Variants in ZNF787 observed in about 807,000 individuals in gnomAD.
ZNF787 encodes TTF-I-interacting peptide 20.
A neutral mutation model predicts 16.9 loss-of-function variants in ZNF787; 7 were observed. That is an observed-to-expected ratio of 0.42 (90% CI 0.24 to 0.78). ZNF787 has a LOEUF of 0.78. ZNF787 is among the 30% of genes least tolerant of loss of function. The pLI, the probability that ZNF787 is intolerant of heterozygous loss-of-function variation, is 0.30. For missense variants in ZNF787, 551 were observed against 589.3 expected (o/e 0.94, Z 0.67); for synonymous variants, 345 against 270.9 (o/e 1.27, Z -2.69).
Position 56,088,108 on chromosome 19 carries a change from T to C in ZNF787, c.1064A>G (p.Tyr355Cys). The change falls in exon 3 of 3, where the codon TAC (tyrosine) becomes TGC (cysteine). Residue 355 changes from tyrosine (Y) to cysteine (C), a missense_variant. This residue lies in a region of ZNF787 where 392 missense variants were observed against 312.7 expected (regional missense o/e 1.25). Coordinates refer to ENST00000610935, the MANE Select transcript of ZNF787 (RefSeq NM_001002836.4). This position sits in a 1 kb window ranked among gnomAD's most constrained non-coding sequence, Gnocchi z 8.6. ...SVCSSCGQSY[Y>C]RAGGEEEDDD... ...GTCCTCCTCCTCCCCGCCCGCGCGG[T>C]AGTAGCTCTGTCCGCAGCTGCTGCA... 1.4e-6 allele frequency: 2 copies of C among 1,456,858 alleles called. No homozygotes were observed. The highest frequency in any genetic ancestry group is 1.8e-6 in the Non-Finnish European group (2 of 1,096,764). The allele number at this position is 1,456,858 out of a possible 1,614,324, so 90.2% of individuals were successfully genotyped here.
intron 1 of ZNF787, among the ~76,000 whole-genome samples, chr19:56,110,543 A>G (rs947312861): frequency 6.6e-6 from 1 of 152,030 alleles, no homozygotes; most frequent in East Asian, 1.9e-4. Context: ...GCACAGGAAA[A>G]AAAGGGAAGA....
chr19:56,103,914 C>T (rs1394968815), intron 1 of ZNF787, among the ~76,000 whole-genome samples: 1 of 20,840 alleles, frequency 4.8e-5, no homozygotes, highest in African/African-American at 2.1e-4. Context: ...ACCCGTGCCA[C>T]GCACCGGGAG....
chr19:56,112,164 T>A (rs995791565), intron 1 of ZNF787, among the ~76,000 whole-genome samples: 9 of 152,176 alleles, frequency 5.9e-5, no homozygotes, highest in African/African-American at 2.2e-4. Context: ...AGGCAGCTCC[T>A]GACCCAGCTC....
At chr19:56,103,316 G>A (rs1047627620) in intron 1 of ZNF787, 89 bp from the exon 2 acceptor site, 16 of 1,156,508 alleles carry the variant, frequency 1.4e-5, no homozygotes, top group Admixed American at 1.1e-4. Context: ...TGCAGACCCC[G>A]GCGTGACAGG....
chr19:56,089,794 C>T (rs570344415), intron 2 of ZNF787, among the ~76,000 whole-genome samples: 1 of 152,216 alleles, frequency 6.6e-6, no homozygotes, highest in African/African-American at 2.4e-5. Context: ...AGGGCTTTGC[C>T]TGCACATCTT....
intron 1 of ZNF787, among the ~76,000 whole-genome samples, chr19:56,120,824 C>G (rs2030271715): frequency 6.7e-6 from 1 of 148,832 alleles, no homozygotes; most frequent in African/African-American, 2.5e-5. Flanking sequence ...CGACGGCCCG[C>G]AGCAGAGGGA....
intron 2 of ZNF787, 83 bp from the exon 3 acceptor site, chr19:56,089,175 T>TGCCTCGCTCCCCCTGGC: frequency 9.3e-7 from 1 of 1,074,378 alleles, no homozygotes; most frequent in Admixed American, 3.5e-5. Flanking sequence ...TGGCCTCGGG[T>TGCCTCGCTCCCCCTGGC]GCCTCGCTCC....
intron 1 of ZNF787, among the ~76,000 whole-genome samples, chr19:56,108,557 C>G (rs1318704816): frequency 6.6e-6 from 1 of 152,006 alleles, no homozygotes; most frequent in East Asian, 1.9e-4. Context: ...TGCCACTCTC[C>G]GTGTCTCTGC....
At chr19:56,108,776 G>A (rs1381581130) in intron 1 of ZNF787, among the ~76,000 whole-genome samples, 6 of 152,122 alleles carry the variant, frequency 3.9e-5, no homozygotes, top group East Asian at 1.9e-4. Flanking sequence ...AGACCCACGC[G>A]GAAGGACAGG....
Position 56,087,719 on chromosome 19 carries a change from T to G in ZNF787, c.*304A>C, listed in dbSNP as rs1044309452. The G allele has an allele frequency of 3.4e-5, 7 of 208,668 alleles. No individual in the cohort carries two copies. The highest frequency in any genetic ancestry group is 1.3e-4 in the East Asian group (1 of 7,786). 12.9% of individuals were successfully genotyped at this position (208,668 alleles called of 1,614,324 possible). ...AAGAGCAGGGAAAATGGCCTTCCGCTTGGGGCCTGGTCGCCACTCGGCCTC... is the reference window on the plus strand; with the variant it reads ...AAGAGCAGGGAAAATGGCCTTCCGCGTGGGGCCTGGTCGCCACTCGGCCTC... On this transcript the variant is annotated 3_prime_UTR_variant, in exon 3 of 3. Coordinates refer to ENST00000610935, the MANE Select transcript of ZNF787 (RefSeq NM_001002836.4).
intron 1 of ZNF787, among the ~76,000 whole-genome samples, chr19:56,113,489 T>A (rs1269623307): frequency 6.6e-6 from 1 of 152,136 alleles, no homozygotes; most frequent in Non-Finnish European, 1.5e-5. Flanking sequence ...ATGGATGAAC[T>A]AACTGTGGTC....
In ZNF787 at chr19:56,088,645, T is replaced by G; in HGVS notation, c.527A>C (p.Lys176Thr). ...AKHRRSHSGL[K>T]PFVCPRCGRG... The stretch of plus-strand genomic sequence containing the variant: ...GCCGCAGCGCGGGCACACGAAGGGC[T>G]TGAGGCCGCTGTGCGAGCGCCGGTG... The change falls in exon 3 of 3, where the codon AAG becomes ACG. Residue 176 changes from lysine to threonine, a missense_variant. This residue lies in a region of ZNF787 where 40 missense variants were observed against 60.7 expected (regional missense o/e 0.66). Coordinates refer to ENST00000610935, the MANE Select transcript of ZNF787 (RefSeq NM_001002836.4). The surrounding 1 kb of genome is among the most constrained non-coding windows in gnomAD (Gnocchi z 8.6). The G allele has an allele frequency of 6.5e-7, 1 of 1,549,658 alleles. No homozygotes were observed. The highest frequency in any genetic ancestry group is 8.7e-7 in the Non-Finnish European group (1 of 1,155,388).
At chr19:56,103,012 G>T in intron 2 of ZNF787, 127 bp downstream of exon 2, 1 of 1,004,504 alleles carries the variant, frequency 1.0e-6, no homozygotes, top group Non-Finnish European at 1.5e-6. Flanking sequence ...GGAGGCCAGG[G>T]TCGGGTGGTC....
chr19:56,088,571 G>A lies in ZNF787; in HGVS notation c.601C>T (p.Pro201Ser). 2 of 1,504,298 alleles carry A rather than the reference G, an allele frequency of 1.3e-6. No homozygotes were observed. The highest frequency in any genetic ancestry group is 1.8e-6 in the Non-Finnish European group (2 of 1,134,402). 93.2% of individuals were successfully genotyped at this position (1,504,298 alleles called of 1,614,324 possible). A position where few individuals can be genotyped will look rare whatever the true frequency, so the allele number is the denominator to read the frequency against. ...KSLARHLRLH[P>S]ELSGPGVAAK... ...GCCACGCCAGGCCCCGACAGCTCCG[G>A]GTGCAGCCGCAGGTGACGCGCGAGG... The change falls in exon 3 of 3, where the codon CCG becomes TCG. Residue 201 changes from proline (P) to serine (S), a missense_variant. Physicochemically the swap from Pro to Ser is moderately conservative, Grantham distance 74. Transcript: ENST00000610935. This position sits in a 1 kb window ranked among gnomAD's most constrained non-coding sequence, Gnocchi z 8.6.
At chr19:56,099,647 G>A (rs1468662408) in intron 2 of ZNF787, among the ~76,000 whole-genome samples, 2 of 146,486 alleles carry the variant, frequency 1.4e-5, no homozygotes, top group Non-Finnish European at 3.0e-5. Context: ...GGAGGTGGAA[G>A]TTGCAGTGAG....
chr19:56,087,802 C>T lies in ZNF787; in HGVS notation c.*221G>A, dbSNP rs547524018. ...GGCCGATAACTTAGGAAGGGCGGGC[C>T]AGGCTGAGGGGGCAGAGTCTCGAGG... On this transcript the variant is annotated 3_prime_UTR_variant, in exon 3 of 3. Transcript: ENST00000610935. The T allele has an allele frequency of 2.6e-5, 18 of 694,046 alleles. No homozygotes were observed. The East Asian group carries it at 6.7e-4, about 26-fold the overall frequency. 43.0% of individuals were successfully genotyped at this position (694,046 alleles called of 1,614,324 possible). A position where few individuals can be genotyped will look rare whatever the true frequency, so the allele number is the denominator to read the frequency against.
intron 1 of ZNF787, among the ~76,000 whole-genome samples, chr19:56,110,169 G>A (rs1012505506): frequency 1.3e-4 from 20 of 152,124 alleles, no homozygotes; most frequent in East Asian, 1.9e-4. Flanking sequence ...AGACCAGCCC[G>A]GCCAATATGG....
chr19:56,092,516 C>A (rs935063575), intron 2 of ZNF787, among the ~76,000 whole-genome samples: 10 of 127,544 alleles, frequency 7.8e-5, no homozygotes, highest in African/African-American at 3.1e-4. Flanking sequence ...AGAGCAAAAT[C>A]TGGAAATGCT....
Position 56,088,675 on chromosome 19 carries a change from G to GCA in ZNF787, c.496_497insTG (p.Ala166ValfsTer349). Reference sequence around the variant, plus strand: ...GCCGCTGTGCGAGCGCCGGTGCTTGGCCAGGCTCTTGCTCTGAGTGAAGCT... The same window carrying GCA: ...GCCGCTGTGCGAGCGCCGGTGCTTGGCACCAGGCTCTTGCTCTGAGTGAAGCT... On this transcript the variant is annotated frameshift_variant, in exon 3 of 3. Coordinates refer to ENST00000610935, the MANE Select transcript of ZNF787 (RefSeq NM_001002836.4). LOFTEE classifies it high-confidence loss of function. The surrounding 1 kb of genome is among the most constrained non-coding windows in gnomAD (Gnocchi z 8.6). The GCA allele has an allele frequency of 6.3e-7, 1 of 1,582,638 alleles. No individual in the cohort carries two copies. The highest frequency in any genetic ancestry group is 8.6e-7 in the Non-Finnish European group (1 of 1,168,796).
Sources: gnomAD v4.1 joint callset for allele counts (sites outside exome capture counted in the v4.1 genomes callset) on GRCh38, gnomAD v4.1.1 for gene constraint, gnomAD v4.1.1 regional missense constraint, Gnocchi (gnomAD v3.1) non-coding constraint, MANE v1.5 for transcripts, NCBI Gene and HGNC (gene_info 2026-07-23, HGNC 2026-07-21) for gene names.